Variants in BBOX1 observed in about 807,000 individuals in gnomAD.
The protein encoded by BBOX1 is gamma-butyrobetaine hydroxylase 1.
BBOX1 carries 35 observed loss-of-function variants against 41.6 expected under a neutral mutation model. The observed-to-expected ratio is 0.84, with a 90% confidence interval of 0.64 to 1.11. The LOEUF is 1.11. Ranked by LOEUF, BBOX1 falls within the 50% of genes most tolerant of loss-of-function variation. BBOX1 has a pLI of 0.00. For synonymous variants in BBOX1, 163 were observed against 154.7 expected (o/e 1.05, Z -0.40); for missense variants, 458 against 460.6 (o/e 0.99, Z 0.05).
intron 6 of BBOX1, among the ~76,000 whole-genome samples, chr11:27,118,121 A>G (rs1859331363): frequency 6.6e-6 from 1 of 152,052 alleles, no homozygotes; most frequent in Admixed American, 6.6e-5. Context: ...AATACTTTGT[A>G]TCTCAATATT....
intron 5 of BBOX1, among the ~76,000 whole-genome samples, chr11:27,094,827 G>A (rs1858378255): frequency 6.6e-6 from 1 of 151,920 alleles, no homozygotes; most frequent in African/African-American, 2.4e-5. Context: ...GATTTGTGTT[G>A]TATAAAATTT....
intron 4 of BBOX1, among the ~76,000 whole-genome samples, chr11:27,070,813 G>A (rs1011007009): frequency 5.3e-5 from 8 of 150,320 alleles, no homozygotes; most frequent in South Asian, 4.2e-4. Context: ...TACTTTCTCC[G>A]TCATCATGTT....
At chr11:27,048,133 C>G (rs766521374) in intron 2 of BBOX1, among the ~76,000 whole-genome samples, 26 of 152,076 alleles carry the variant, frequency 1.7e-4, no homozygotes, top group Non-Finnish European at 3.1e-4. Context: ...CACTTGAGAT[C>G]TACTCTTTCA....
At chr11:27,070,913 C>T (rs926102636) in intron 4 of BBOX1, among the ~76,000 whole-genome samples, 2 of 152,030 alleles carry the variant, frequency 1.3e-5, no homozygotes, top group African/African-American at 4.8e-5. Flanking sequence ...TGGTGCACAT[C>T]AACCTTTTGT....
At chr11:27,046,679 A>C (rs1024145414) in intron 2 of BBOX1, among the ~76,000 whole-genome samples, 3 of 152,124 alleles carry the variant, frequency 2.0e-5, no homozygotes, top group African/African-American at 7.2e-5. Flanking sequence ...AAGACATCCC[A>C]CTGATAAAAA....
intron 4 of BBOX1, among the ~76,000 whole-genome samples, chr11:27,089,230 G>A (rs905607578): frequency 2.9e-4 from 44 of 151,820 alleles, no homozygotes; most frequent in Non-Finnish European, 2.7e-4. Context: ...CCTCTGTTTC[G>A]CCAGCCAGAT....
intron 6 of BBOX1, among the ~76,000 whole-genome samples, chr11:27,116,683 T>C (rs1000854242): frequency 3.9e-5 from 6 of 151,920 alleles, no homozygotes; most frequent in Non-Finnish European, 7.4e-5. Flanking sequence ...TCACCACCAG[T>C]AGGCTAGCCC....
At chr11:27,093,827 C>T (rs1474083115) in intron 5 of BBOX1, among the ~76,000 whole-genome samples, 2 of 151,926 alleles carry the variant, frequency 1.3e-5, no homozygotes, top group African/African-American at 4.8e-5. Flanking sequence ...CCTGCTGTCT[C>T]TTCTTCTTCT....
intron 6 of BBOX1, among the ~76,000 whole-genome samples, chr11:27,116,987 G>C (rs1859289309): frequency 6.6e-6 from 1 of 151,976 alleles, no homozygotes; most frequent in African/African-American, 2.4e-5. Flanking sequence ...AAATCCCCAG[G>C]AGAATCTCTG....
At chr11:27,059,634 G>A (rs879735536) in intron 4 of BBOX1, among the ~76,000 whole-genome samples, 19 of 152,202 alleles carry the variant, frequency 1.2e-4, no homozygotes, top group Non-Finnish European at 2.6e-4. Flanking sequence ...AGCAGCCTCT[G>A]GAGCCGAACT....
chr11:27,064,210 T>C (rs1257456217), intron 4 of BBOX1, among the ~76,000 whole-genome samples: 1 of 152,164 alleles, frequency 6.6e-6, no homozygotes. Flanking sequence ...TTGTTGTTTT[T>C]TTTCAAGCTG....
At chr11:27,084,646 C>T (rs1857970395) in intron 4 of BBOX1, among the ~76,000 whole-genome samples, 1 of 152,094 alleles carries the variant, frequency 6.6e-6, no homozygotes, top group African/African-American at 2.4e-5. Flanking sequence ...GCCAACAGCT[C>T]AGTTCAGTGC....
At chr11:27,084,182 C>G (rs993396724) in intron 4 of BBOX1, among the ~76,000 whole-genome samples, 2 of 152,138 alleles carry the variant, frequency 1.3e-5, no homozygotes, top group African/African-American at 4.8e-5. Flanking sequence ...AGTAGGAAAC[C>G]TCTAAGGTAT....
chr11:27,057,461 C>T (rs1413742031), intron 4 of BBOX1, 146 bp downstream of exon 4: 21 of 640,314 alleles, frequency 3.3e-5, no homozygotes, highest in African/African-American at 7.6e-5. Context: ...AAAGTTTTAC[C>T]GACAAATATC....
intron 2 of BBOX1, chr11:27,046,400 A>G (rs575679281): frequency 1.5e-4 from 23 of 151,768 alleles, no homozygotes; most frequent in African/African-American, 5.6e-4. Flanking sequence ...AAGAGAAAAA[A>G]TATGGTAGGT....
intron 2 of BBOX1, among the ~76,000 whole-genome samples, chr11:27,051,603 G>C (rs2133952936): frequency 6.6e-6 from 1 of 151,984 alleles, no homozygotes; most frequent in African/African-American, 2.4e-5. Flanking sequence ...TCAATTATTG[G>C]CATGTAACTG....
At chr11:27,055,701 C>T (rs772925558) in intron 3 of BBOX1, 52 bp downstream of exon 3, 1 of 1,502,030 alleles carries the variant, frequency 6.7e-7, no homozygotes, top group Non-Finnish European at 9.2e-7. Context: ...AATAATGGGG[C>T]TAGTCAACAA....
At chr11:27,054,854 TGAA>T (rs1856931244) in intron 2 of BBOX1, among the ~76,000 whole-genome samples, 1 of 152,236 alleles carries the variant, frequency 6.6e-6, no homozygotes, top group Non-Finnish European at 1.5e-5. Flanking sequence ...TATTCTGAAT[TGAA>T]GAAACAGTGC....
chr11:27,045,863 A>G (rs1327842281), intron 2 of BBOX1, among the ~76,000 whole-genome samples: 1 of 152,194 alleles, frequency 6.6e-6, no homozygotes, highest in Non-Finnish European at 1.5e-5. Flanking sequence ...TATGTATAAT[A>G]ACTATAAAGT....
Sources: allele counts gnomAD v4.1 joint callset (sites outside exome capture counted in the v4.1 genomes callset), GRCh38; gene constraint gnomAD v4.1.1; transcripts MANE v1.5; gene names NCBI Gene and HGNC (gene_info 2026-07-23, HGNC 2026-07-21).